LRPPRC: variants seen among roughly 807,000 people sequenced by gnomAD.
LRPPRC encodes leucine rich pentatricopeptide repeat containing.
LRPPRC carries 120 observed loss-of-function variants against 180.3 expected under a neutral mutation model. The ratio of observed to expected loss-of-function variants is 0.67; its 90% CI spans 0.57 to 0.77. LRPPRC has a LOEUF of 0.77. LRPPRC is among the 30% of genes least tolerant of loss of function. The pLI, the probability that LRPPRC is intolerant of heterozygous loss-of-function variation, is 0.00. For synonymous variants in LRPPRC, 723 were observed against 600.0 expected, an observed-to-expected ratio of 1.21 and a Z score of -3.00; for missense variants, 2,012 against 1,657.2, an observed-to-expected ratio of 1.21 and a Z score of -3.72.
chr2:43,934,044 C>T (rs918135281), intron 25 of LRPPRC, 146 bp downstream of exon 25: 8 of 610,818 alleles, frequency 1.3e-5, no homozygotes, highest in South Asian at 2.1e-5. Flanking sequence ...AGAAGCTGGC[C>T]GAGATCCCCC....
rs1374445428 is a variant in LRPPRC, at chr2:43,947,323, T to C, written c.2013A>G (p.Leu671=). The C allele has an allele frequency of 1.2e-6, 2 of 1,608,144 alleles. No homozygotes were observed. Among genetic ancestry groups the C allele is most frequent in the Admixed American group, 1.7e-5 (1 of 59,966 alleles). The part of the protein sequence containing the change: ...SSELESTLET[L]KAENQPIRDV... ...CTCTTATAGGTTGATTTTCAGCTTTTAGTGTTTCAAGTGTGGACTCCAATT... is the reference window on the plus strand; with the variant it reads ...CTCTTATAGGTTGATTTTCAGCTTTCAGTGTTTCAAGTGTGGACTCCAATT... The change falls in exon 20 of 38, where the codon CTA becomes CTG. Residue 671 remains leucine (L), a synonymous_variant. Coordinates refer to ENST00000260665, the MANE Select transcript of LRPPRC (RefSeq NM_133259.4).
chr2:43,974,623 A>G lies in LRPPRC; in HGVS notation c.1000T>C (p.Tyr334His). The G allele has an allele frequency of 2.6e-6, 4 of 1,528,106 alleles. No individual in the cohort carries two copies. The highest frequency in any genetic ancestry group is 2.7e-6 in the Non-Finnish European group (3 of 1,102,318). The allele number at this position is 1,528,106 out of a possible 1,614,324, so 94.7% of individuals were successfully genotyped here. A position where few individuals can be genotyped will look rare whatever the true frequency, so the allele number is the denominator to read the frequency against. The change falls in exon 8 of 38, where the codon TAT (tyrosine) becomes CAT (histidine). Residue 334 changes from tyrosine (Y) to histidine (H), a missense_variant. By Grantham distance (83) the Tyr-to-His change is moderately conservative (BLOSUM62 2). Transcript: ENST00000260665. ...ILEKVTCERR[Y>H]IPDAMNLILL... ...ATTTTTTTAAAACTACCTGGAATAT[A>G]TCTTCTTTCACATGTAACTTTTTCC...
chr2:43,972,810 T>A (rs1360577740), intron 11 of LRPPRC, among the ~76,000 whole-genome samples: 1 of 152,204 alleles, frequency 6.6e-6, no homozygotes, highest in Non-Finnish European at 1.5e-5. Context: ...TCACCCAATG[T>A]CACACTAACA....
At position 43,899,399 on chromosome 2, in the gene LRPPRC, A is replaced by T. The variant is rs1053893596; in HGVS notation, c.3710-65T>A. The T allele has an allele frequency of 2.4e-5, 38 of 1,602,758 alleles. No homozygotes were observed. In the African/African-American group the frequency reaches 4.7e-4, roughly 20 times the overall value. On this transcript the variant is annotated intron_variant, in intron 33 of 37. Transcript: ENST00000260665. ...AGTGGTATAACTCACCTACCAAAGA[A>T]ATTTGGTCTAGTCTCACTAGAGAGA...
intron 14 of LRPPRC, among the ~76,000 whole-genome samples, chr2:43,955,867 T>C (rs75847568): frequency 2.0e-5 from 3 of 152,180 alleles, no homozygotes; most frequent in African/African-American, 7.2e-5. Flanking sequence ...TACCACCCCA[T>C]AGTCTTCTTA....
chr2:43,982,448 C>T lies in LRPPRC; in HGVS notation c.150-14G>A, dbSNP rs1674355506. ...CTCAGTAGTCCTCTAAAAAATGAAA[C>T]ATAATTAATAATAATCAGTTGCTAT... is the stretch of plus-strand genomic sequence containing the variant. On this transcript the variant is annotated splice_polypyrimidine_tract_variant and intron_variant, in intron 1 of 37. Transcript: ENST00000260665. 1.3e-6 allele frequency: 2 copies of T among 1,590,626 alleles called. No individual in the cohort carries two copies. The highest frequency in any genetic ancestry group is 1.7e-6 in the Non-Finnish European group (2 of 1,158,980).
chr2:43,918,792 GATATATATATATATAT>G lies in LRPPRC; in HGVS notation c.2897-410_2897-395del, dbSNP rs111297590. ...GATCCTGGAAATATATATATATATA[GATATATATATATATAT>G]AGATATATATATATCTATATATAGA... On this transcript the variant is annotated intron_variant, in intron 27 of 37. Coordinates refer to ENST00000260665, the MANE Select transcript of LRPPRC (RefSeq NM_133259.4). Among the ~76,000 whole-genome samples the G allele has an allele frequency of 6.2e-3, 280 of 45,084 alleles. 1 individual carries two copies. The East Asian group carries it at 0.081, about 13-fold the overall frequency. 29.6% of individuals were successfully genotyped at this position (45,084 alleles called of 152,430 possible).
Position 43,949,603 on chromosome 2 carries a change from C to A in LRPPRC, c.1734G>T (p.Thr578=). Residue 578 remains threonine, a splice_region_variant and synonymous_variant, in exon 16 of 38, where the codon ACG becomes ACT. Transcript: ENST00000260665. ...CAATCATCGAAATTGAAACGCTACC[C>A]GTCGGTCCTCGAGGCTCCTGGCAAT... ...GRYCQEPRGP[T]EAVGYFLYNL... 5 of 1,612,998 alleles carry A rather than the reference C, an allele frequency of 3.1e-6. No individual in the cohort carries two copies. Among genetic ancestry groups the A allele is most frequent in the South Asian group, 1.1e-5 (1 of 90,990 alleles).
At chr2:43,962,771 CATTTATGAAA>C (rs1220993374) in intron 12 of LRPPRC, among the ~76,000 whole-genome samples, 3 of 152,222 alleles carry the variant, frequency 2.0e-5, no homozygotes, top group African/African-American at 7.2e-5. Context: ...ACTATTAGTG[CATTTATGAAA>C]ATTTATGGGA....
intron 30 of LRPPRC, among the ~76,000 whole-genome samples, chr2:43,906,290 T>C (rs976989803): frequency 1.3e-5 from 2 of 152,236 alleles, no homozygotes; most frequent in African/African-American, 2.4e-5. Context: ...TCTAGATTCA[T>C]ACAGTTTCTG....
intron 1 of LRPPRC, among the ~76,000 whole-genome samples, chr2:43,995,503 C>T (rs1400782237): frequency 6.6e-6 from 1 of 152,234 alleles, no homozygotes; most frequent in African/African-American, 2.4e-5. Flanking sequence ...TCTTCAAAGC[C>T]CCCCTCATCT....
chr2:43,912,867 C>T (rs1247830849), intron 29 of LRPPRC, among the ~76,000 whole-genome samples: 1 of 152,058 alleles, frequency 6.6e-6, no homozygotes, highest in Non-Finnish European at 1.5e-5. Flanking sequence ...TGAGAAACAG[C>T]TCTTCTGAAT....
At chr2:43,960,471 C>G in intron 13 of LRPPRC, 70 bp downstream of exon 13, 1 of 865,094 alleles carries the variant, frequency 1.2e-6, no homozygotes, top group Non-Finnish European at 2.0e-6. Flanking sequence ...TTGCGTGAAC[C>G]ACCCTGCATG....
chr2:43,934,878 C>A lies in LRPPRC; in HGVS notation c.2505G>T (p.Lys835Asn). Residue 835 changes from lysine to asparagine, a missense_variant and splice_region_variant, in exon 24 of 38, where the codon AAG becomes AAT. Transcript: ENST00000260665. ...SFPLVTVHLE[K>N]GDLSTALEVA... is the part of the protein sequence containing the mutation. ...CCTCAAGAGCAGTAGATAGGTCGCCCCTTAGAAACAAAAAAATTAGCAATG... is the reference window on the plus strand; with the variant it reads ...CCTCAAGAGCAGTAGATAGGTCGCCACTTAGAAACAAAAAAATTAGCAATG... 6.2e-7 allele frequency: 1 copy of A among 1,612,132 alleles called. No individual in the cohort carries two copies. Among genetic ancestry groups the A allele is most frequent in the Non-Finnish European group, 8.5e-7 (1 of 1,178,806 alleles).
At position 43,925,888 on chromosome 2, in the gene LRPPRC, C is replaced by T. The variant is rs1671859151; in HGVS notation, c.2805+5G>A. The T allele has an allele frequency of 6.2e-7, 1 of 1,604,588 alleles. No homozygotes were observed. ...GTGATTGAGACATCTGAATCAAATA[C>T]AAACCTGATTATTTGCAACACATCT... On this transcript the variant is annotated splice_donor_5th_base_variant and intron_variant, in intron 26 of 37. Transcript: ENST00000260665.
rs2103713009 is a variant in LRPPRC at position 43,974,192 on chromosome 2, G to C, written c.1113C>G (p.Val371=). 1.2e-6 allele frequency: 2 copies of C among 1,613,702 alleles called. No homozygotes were observed. Among genetic ancestry groups the C allele is most frequent in the Non-Finnish European group, 1.7e-6 (2 of 1,179,572 alleles). The change falls in exon 9 of 38, where the codon GTC becomes GTG. Residue 371 remains valine, a synonymous_variant. Transcript: ENST00000260665. ...AGTGTTGTAAAAAGAAACTGCCAAA[G>C]ACACTTGGGCCATCTTCCTTTGATA... ...CPVSKEDGPS[V]FGSFFLQHCV...
At chr2:43,967,959 CTT>C (rs1362266686) in intron 11 of LRPPRC, among the ~76,000 whole-genome samples, 2 of 152,156 alleles carry the variant, frequency 1.3e-5, no homozygotes, top group African/African-American at 4.8e-5. Context: ...AGCTAAGTTG[CTT>C]CTGAATTCCT....
intron 28 of LRPPRC, 32 bp from the exon 29 acceptor site, chr2:43,918,165 A>C: frequency 6.3e-7 from 1 of 1,599,724 alleles, no homozygotes; most frequent in South Asian, 1.1e-5. Flanking sequence ...TTAAATAAAA[A>C]CTGGTAATCT....
At chr2:43,942,764 C>T (rs1672530212) in intron 23 of LRPPRC, among the ~76,000 whole-genome samples, 1 of 152,004 alleles carries the variant, frequency 6.6e-6, no homozygotes, top group Non-Finnish European at 1.5e-5. Flanking sequence ...ACTACATCCA[C>T]AGTGAGATAT....
Sources: allele counts gnomAD v4.1 joint callset (sites outside exome capture counted in the v4.1 genomes callset), GRCh38; gene constraint gnomAD v4.1.1; transcripts MANE v1.5; gene names NCBI Gene and HGNC (gene_info 2026-07-23, HGNC 2026-07-21).